PIK3R3: variants seen among roughly 807,000 people sequenced by gnomAD.
PIK3R3 encodes phosphoinositide-3-kinase regulatory subunit 3, also known as phosphatidylinositol 3-kinase regulatory subunit gamma.
PIK3R3 carries 64 observed loss-of-function variants against 62.9 expected under a neutral mutation model. That is an observed-to-expected ratio of 1.02 (90% confidence interval 0.83 to 1.25). The LOEUF (loss-of-function observed/expected upper bound fraction) is 1.25. Ranked by LOEUF, PIK3R3 falls within the 50% of genes most tolerant of loss-of-function variation. The pLI is 0.00. For missense variants in PIK3R3, 614 were observed against 561.6 expected (o/e 1.09, Z -0.94); for synonymous variants, 165 against 189.0 (o/e 0.87, Z 1.04).
At chr1:46,088,058 G>A (rs1195664203) in intron 1 of PIK3R3, among the ~76,000 whole-genome samples, 1 of 152,124 alleles carries the variant, frequency 6.6e-6, no homozygotes, top group Non-Finnish European at 1.5e-5. Context: ...CAGTATGAAT[G>A]TACTTAATGC....
chr1:46,059,554 C>T (rs1648269348), intron 6 of PIK3R3, among the ~76,000 whole-genome samples: 1 of 152,192 alleles, frequency 6.6e-6, no homozygotes, highest in African/African-American at 2.4e-5. Context: ...TGGACACACA[C>T]CTGTAATCCC....
intron 9 of PIK3R3, among the ~76,000 whole-genome samples, chr1:46,045,402 TAA>T (rs1647082188): frequency 6.6e-6 from 1 of 152,124 alleles, no homozygotes; most frequent in Non-Finnish European, 1.5e-5. Context: ...CACTTTCCAT[TAA>T]AAGGAAAATA....
intron 1 of PIK3R3, among the ~76,000 whole-genome samples, chr1:46,113,340 C>T (rs1340871001): frequency 4.0e-5 from 6 of 150,094 alleles, no homozygotes; most frequent in Admixed American, 1.3e-4. Context: ...TGCTCTGTTG[C>T]CCAGGCTGGA....
At chr1:46,113,092 C>A (rs1281307727) in intron 1 of PIK3R3, among the ~76,000 whole-genome samples, 1 of 152,110 alleles carries the variant, frequency 6.6e-6, no homozygotes, top group Non-Finnish European at 1.5e-5. Context: ...GCCTCCTAAC[C>A]AGTTTTCCTT....
chr1:46,128,931 T>C (rs1375141700), intron 1 of PIK3R3, among the ~76,000 whole-genome samples: 1 of 151,926 alleles, frequency 6.6e-6, no homozygotes, highest in East Asian at 1.9e-4. Context: ...AATTAGCTGG[T>C]GTGGTGGTAC....
chr1:46,158,859 G>A, the PIK3R3 span, among the ~76,000 whole-genome samples: 7 of 152,124 alleles, frequency 4.6e-5, no homozygotes, highest in African/African-American at 1.2e-4. Context: ...AGGCCAAGAC[G>A]GGTGGATCAC....
chr1:46,149,285 G>A, the PIK3R3 span, among the ~76,000 whole-genome samples: 3 of 151,802 alleles, frequency 2.0e-5, no homozygotes, highest in African/African-American at 7.3e-5. Context: ...AGCCGAGCGT[G>A]ATAGCAGGTG....
chr1:46,154,717 C>A, the PIK3R3 span, among the ~76,000 whole-genome samples: 1 of 152,180 alleles, frequency 6.6e-6, no homozygotes, highest in Admixed American at 6.5e-5. Context: ...CAACACACAA[C>A]CACTCATTCA....
At chr1:46,156,597 A>G in the PIK3R3 span, among the ~76,000 whole-genome samples, 55 of 152,260 alleles carry the variant, frequency 3.6e-4, 1 homozygote, top group South Asian at 0.011. Flanking sequence ...TATCAGATCA[A>G]TAACAGAGCC....
rs1343807312 is a variant in PIK3R3 at position 46,116,789 on chromosome 1, G to T, written c.106+15058C>A. 3.9e-5 allele frequency among the ~76,000 whole-genome samples: 6 copies of T among 152,032 alleles called. No individual in the cohort carries two copies. The East Asian group carries it at 1.2e-3, about 29-fold the overall frequency. On this transcript the variant is annotated intron_variant, in intron 1 of 9. Transcript: ENST00000262741. ...AATTCTCACAATAACCCTACAGCAG[G>T]ATTAATATTCTTTTCTATGCTATAC...
At chr1:46,141,685 C>T in the PIK3R3 span, among the ~76,000 whole-genome samples, 1 of 152,204 alleles carries the variant, frequency 6.6e-6, no homozygotes, top group Non-Finnish European at 1.5e-5. Context: ...ACCTATAAAA[C>T]TTTGTCATAG....
At chr1:46,051,939 C>T (rs1160249355) in intron 7 of PIK3R3, among the ~76,000 whole-genome samples, 1 of 151,992 alleles carries the variant, frequency 6.6e-6, no homozygotes, top group Non-Finnish European at 1.5e-5. Flanking sequence ...AGATTGAGAC[C>T]ATCCTGGCTA....
intron 3 of PIK3R3, among the ~76,000 whole-genome samples, chr1:46,074,711 T>C (rs1462014375): frequency 5.3e-5 from 8 of 152,050 alleles, no homozygotes; most frequent in Non-Finnish European, 1.2e-4. Flanking sequence ...TGGGAGGCCA[T>C]TTCTGCTGGC....
At chr1:46,056,199 T>C (rs969435922) in intron 6 of PIK3R3, 36 of 341,078 alleles carry the variant, frequency 1.1e-4, no homozygotes, top group African/African-American at 7.4e-4. Context: ...TACAGGCGCA[T>C]GCCACCACAC....
intron 7 of PIK3R3, among the ~76,000 whole-genome samples, chr1:46,054,021 G>A (rs1207262414): frequency 2.0e-5 from 3 of 152,092 alleles, no homozygotes; most frequent in South Asian, 2.1e-4. Flanking sequence ...GGCCACAATA[G>A]CAAACTAAAA....
intron 1 of PIK3R3, chr1:46,105,117 T>C (rs987109465): frequency 2.8e-6 from 2 of 722,948 alleles, no homozygotes; most frequent in African/African-American, 1.7e-5. Context: ...CAAATTGGAA[T>C]AGAATGGAAC....
the PIK3R3 span, among the ~76,000 whole-genome samples, chr1:46,158,211 C>G: frequency 2.6e-5 from 4 of 152,180 alleles, no homozygotes; most frequent in African/African-American, 9.7e-5. Context: ...CTATTTCACT[C>G]CCTGTCTAAA....
chr1:46,121,910 G>A (rs527326840), intron 1 of PIK3R3, among the ~76,000 whole-genome samples: 5 of 152,026 alleles, frequency 3.3e-5, no homozygotes, highest in East Asian at 3.9e-4. Flanking sequence ...CAGGCTGGAC[G>A]TAGCCTACTG....
At chr1:46,104,545 A>G (rs1653003461) in intron 1 of PIK3R3, among the ~76,000 whole-genome samples, 1 of 152,164 alleles carries the variant, frequency 6.6e-6, no homozygotes, top group Non-Finnish European at 1.5e-5. Flanking sequence ...TCTACAAACG[A>G]GACAGATTAC....
Sources: gnomAD v4.1 joint callset for allele counts (sites outside exome capture counted in the v4.1 genomes callset) on GRCh38, gnomAD v4.1.1 for gene constraint, MANE v1.5 for transcripts, NCBI Gene and HGNC (gene_info 2026-07-23, HGNC 2026-07-21) for gene names.